Variants in UBE2K observed in about 807,000 individuals in gnomAD.
UBE2K encodes the protein ubiquitin-conjugating enzyme E2 K.
Under a neutral mutation model 30.0 loss-of-function variants are expected in UBE2K, and 6 were observed. The observed-to-expected ratio is 0.20, with a 90% CI of 0.11 to 0.39. UBE2K has a LOEUF of 0.39. Among genes scored for constraint, UBE2K ranks in the 10% least tolerant of loss-of-function variants. The probability of loss-of-function intolerance (pLI) is 1.00; values close to 1 mark genes in which losing one functional copy is unlikely to be tolerated. For missense variants in UBE2K, 61 were observed against 241.6 expected (o/e 0.25, Z 4.96); for synonymous variants, 86 against 83.7 (o/e 1.03, Z -0.15).
At position 39,768,441 on chromosome 4, in the gene UBE2K, C is replaced by T. The variant is rs374245173; in HGVS notation, c.300-6393C>T. Among the ~76,000 whole-genome samples, 12 of 113,934 alleles carry T rather than the reference C, an allele frequency of 1.1e-4. No individual in the cohort carries two copies. The East Asian group carries it at 1.6e-3, about 15-fold the overall frequency. 74.7% of individuals were successfully genotyped at this position (113,934 alleles called of 152,430 possible). On this transcript the variant is annotated intron_variant, in intron 4 of 6. Coordinates refer to ENST00000261427, the MANE Select transcript of UBE2K (RefSeq NM_005339.5). ...CAGCCTGGGGGACAGAGTGAGACTT[C>T]GTTTCCAAAAAAAAAAAAAAAAAAT...
chr4:39,698,766 G>A (rs935015160), intron 1 of UBE2K, among the ~76,000 whole-genome samples: 51 of 152,224 alleles, frequency 3.4e-4, no homozygotes, highest in African/African-American at 1.2e-3. Flanking sequence ...GTTGGGGGAA[G>A]GGGAAAGGTG....
At chr4:39,773,400 G>A (rs1713051215) in intron 4 of UBE2K, among the ~76,000 whole-genome samples, 1 of 151,988 alleles carries the variant, frequency 6.6e-6, no homozygotes, top group Non-Finnish European at 1.5e-5. Flanking sequence ...CCAGGGAGGT[G>A]GAGGTTCCGG....
intron 1 of UBE2K, among the ~76,000 whole-genome samples, chr4:39,710,751 TATACTC>T (rs374577261): frequency 2.6e-5 from 4 of 152,120 alleles, no homozygotes; most frequent in South Asian, 2.1e-4. Context: ...TAGAAAGAGT[TATACTC>T]ATATCTGCTG....
chr4:39,698,212 C>G lies in UBE2K; in HGVS notation c.-116C>G, dbSNP rs1015001343. The G allele has an allele frequency of 2.0e-6, 2 of 993,000 alleles. No individual in the cohort carries two copies. Among genetic ancestry groups the G allele is most frequent in the East Asian group, 5.2e-5 (2 of 38,664 alleles). 61.5% of individuals were successfully genotyped at this position (993,000 alleles called of 1,614,324 possible). ...CGGCCGGGGTGGTAGTGGCAGTGTT[C>G]GTGTGCTCAGGTCTGAATCGCCGAG... On this transcript the variant is annotated 5_prime_UTR_variant, in exon 1 of 7. Coordinates refer to ENST00000261427, the MANE Select transcript of UBE2K (RefSeq NM_005339.5).
At chr4:39,762,142 G>A (rs1711990709) in intron 4 of UBE2K, among the ~76,000 whole-genome samples, 1 of 151,602 alleles carries the variant, frequency 6.6e-6, no homozygotes, top group Admixed American at 6.6e-5. Context: ...TCGCCTCACT[G>A]CACTGCAGCC....
intron 4 of UBE2K, among the ~76,000 whole-genome samples, chr4:39,771,776 G>A (rs1257264841): frequency 1.3e-5 from 2 of 152,192 alleles, no homozygotes; most frequent in African/African-American, 2.4e-5. Flanking sequence ...CTGGTTGGAT[G>A]AACAACACTG....
chr4:39,755,508 C>T, intron 3 of UBE2K, 149 bp from the exon 4 acceptor site: 1 of 593,278 alleles, frequency 1.7e-6, no homozygotes, highest in Non-Finnish European at 2.9e-6. Context: ...GATCCTTTGT[C>T]TTCTACACCC....
At chr4:39,759,181 T>G (rs761503115) in intron 4 of UBE2K, among the ~76,000 whole-genome samples, 14 of 152,214 alleles carry the variant, frequency 9.2e-5, no homozygotes, top group Admixed American at 2.6e-4. Context: ...GCAGGCATAC[T>G]AGAAAATAAT....
At chr4:39,740,862 CAA>C (rs57382171) in intron 2 of UBE2K, among the ~76,000 whole-genome samples, 15,675 of 69,320 alleles carry the variant, frequency 0.23, 1,368 homozygotes, top group African/African-American at 0.42. Flanking sequence ...GACTCCGTCT[CAA>C]AAAAAAAAAA....
At chr4:39,741,474 G>A (rs925338576) in intron 2 of UBE2K, among the ~76,000 whole-genome samples, 33 of 152,080 alleles carry the variant, frequency 2.2e-4, no homozygotes, top group African/African-American at 5.3e-4. Context: ...TAAATGTGAC[G>A]ATAGGTTAAA....
intron 4 of UBE2K, among the ~76,000 whole-genome samples, chr4:39,760,196 A>AACAT (rs1560372506): frequency 1.3e-4 from 1 of 7,918 alleles, no homozygotes; most frequent in African/African-American, 4.4e-4. Context: ...AAAAAAACAG[A>AACAT]AAAAAAAAAA....
At chr4:39,717,516 A>G (rs968443366) in intron 1 of UBE2K, among the ~76,000 whole-genome samples, 1 of 151,808 alleles carries the variant, frequency 6.6e-6, no homozygotes, top group East Asian at 1.9e-4. Context: ...GGCGTGAGCC[A>G]CCACGCCCAG....
intron 6 of UBE2K, 29 bp downstream of exon 6, chr4:39,777,839 A>G: frequency 7.3e-7 from 1 of 1,375,022 alleles, no homozygotes; most frequent in Non-Finnish European, 9.5e-7. Context: ...GTTGATTTTG[A>G]TATATTGATT....
chr4:39,771,594 C>A (rs1374568285), intron 4 of UBE2K, among the ~76,000 whole-genome samples: 1 of 152,136 alleles, frequency 6.6e-6, no homozygotes, highest in African/African-American at 2.4e-5. Context: ...GGCGCGCTCG[C>A]GCTGGCGGGG....
intron 4 of UBE2K, among the ~76,000 whole-genome samples, chr4:39,760,779 AAAAATT>A (rs1428735550): frequency 2.6e-5 from 4 of 152,166 alleles, no homozygotes; most frequent in Non-Finnish European, 5.9e-5. Context: ...CTCAAAAAAT[AAAAATT>A]AAAATTAAAA....
chr4:39,726,205 A>G (rs1358676249), intron 1 of UBE2K, among the ~76,000 whole-genome samples: 2 of 152,108 alleles, frequency 1.3e-5, no homozygotes. Context: ...CATGTTGACC[A>G]GGCTGGTCTC....
chr4:39,757,232 G>C (rs1280853736), intron 4 of UBE2K, among the ~76,000 whole-genome samples: 1 of 151,886 alleles, frequency 6.6e-6, no homozygotes, highest in Admixed American at 6.6e-5. Flanking sequence ...CACCATGTTG[G>C]CCAGGCTGGT....
chr4:39,780,701 T>TG lies in UBE2K; in HGVS notation c.*2269dup, dbSNP rs1713561481. 6.6e-6 allele frequency: 1 copy of TG among 152,132 alleles called. No individual in the cohort carries two copies. Among genetic ancestry groups the TG allele is most frequent in the African/African-American group, 2.4e-5 (1 of 41,444 alleles). The allele number at this position is 152,132 out of a possible 1,614,324, so 9.4% of individuals were successfully genotyped here. On this transcript the variant is annotated 3_prime_UTR_variant, in exon 7 of 7. Transcript: ENST00000261427. ...ATGTGATGATCTTTTTTTTCCTTTC[T>TG]GGTATATTTCCCACTGTACTGTTTG... is the stretch of plus-strand genomic sequence containing the variant.
chr4:39,743,447 CA>C (rs1720812639), intron 2 of UBE2K, among the ~76,000 whole-genome samples: 2 of 151,818 alleles, frequency 1.3e-5, no homozygotes, highest in Non-Finnish European at 2.9e-5. Context: ...ACTAAAAATA[CA>C]AAAAAATTAG....
Sources: gnomAD v4.1 joint callset for allele counts (sites outside exome capture counted in the v4.1 genomes callset) on GRCh38, gnomAD v4.1.1 for gene constraint, MANE v1.5 for transcripts, NCBI Gene and HGNC (gene_info 2026-07-23, HGNC 2026-07-21) for gene names.